The following TWIST2 variants were observed in gnomAD, a reference collection of about 807,000 sequenced individuals.
The protein encoded by TWIST2 is twist family bHLH transcription factor 2.
In TWIST2, 1 loss-of-function variant was observed where a neutral mutation model predicts 11.6. The ratio of observed to expected loss-of-function variants is 0.09; its 90% CI spans 0.03 to 0.41. The LOEUF (loss-of-function observed/expected upper bound fraction) is 0.41. TWIST2 is among the 10% of genes least tolerant of loss of function. TWIST2 has a pLI of 0.98. For missense variants in TWIST2, 168 were observed against 226.4 expected (o/e 0.74, Z 1.66); for synonymous variants, 87 against 96.6 (o/e 0.90, Z 0.58).
chr2:238,905,978 CGCGTGTACGTGCGCGTGTGTGCGTGT>C (rs1261902531), intron 1 of TWIST2, among the ~76,000 whole-genome samples: 1 of 130,798 alleles, frequency 7.6e-6, no homozygotes, highest in African/African-American at 3.0e-5. Context: ...TGTGTGCGCG[CGCGTGTACGTGCGCGTGTGTGCGTGT>C]GCGTGTGTGG....
intron 1 of TWIST2, among the ~76,000 whole-genome samples, chr2:238,903,332 GGT>G (rs1462188739): frequency 2.7e-5 from 4 of 146,020 alleles, no homozygotes; most frequent in Admixed American, 6.8e-5. Context: ...TGTGATGTGA[GGT>G]ATGTTTGAGG....
In TWIST2 at chr2:238,863,822, C is replaced by A. The variant is rs1692476787; in HGVS notation, c.*35+15089C>A. ...TTTTTACCAGGATCAAAAATGAAAA[C>A]CACGTGTCCCCCTGGCCTTGTATGA... On this transcript the variant is annotated intron_variant, in intron 1 of 1. Coordinates refer to ENST00000612363, the MANE Select transcript of TWIST2 (RefSeq NM_001271893.4). This position sits in a 1 kb window ranked among gnomAD's most constrained non-coding sequence, Gnocchi z 4.7. Among the ~76,000 whole-genome samples, 1 of 151,932 alleles carries A rather than the reference C, an allele frequency of 6.6e-6. No homozygotes were observed. Among genetic ancestry groups the A allele is most frequent in the Non-Finnish European group, 1.5e-5 (1 of 67,984 alleles).
At chr2:238,896,205 C>T (rs1020297554) in intron 1 of TWIST2, among the ~76,000 whole-genome samples, 5 of 152,200 alleles carry the variant, frequency 3.3e-5, no homozygotes, top group African/African-American at 1.2e-4. Context: ...TGCACCCTGC[C>T]TACTGACCCT....
intron 1 of TWIST2, among the ~76,000 whole-genome samples, chr2:238,874,363 C>A (rs1692766521): frequency 6.6e-6 from 1 of 152,186 alleles, no homozygotes; most frequent in Admixed American, 6.5e-5. Context: ...CAGTATTTCT[C>A]TTTAGTTCCA....
chr2:238,894,673 C>A (rs1693186818), intron 1 of TWIST2, among the ~76,000 whole-genome samples: 1 of 151,952 alleles, frequency 6.6e-6, no homozygotes, highest in African/African-American at 2.4e-5. Flanking sequence ...GTCTTTACCC[C>A]CAGATCCCTC....
intron 1 of TWIST2, among the ~76,000 whole-genome samples, chr2:238,882,975 C>T (rs528576215): frequency 4.6e-5 from 7 of 152,182 alleles, no homozygotes; most frequent in African/African-American, 9.6e-5. Context: ...CTGAGCCCTT[C>T]CTGATTTGAG....
At chr2:238,892,332 C>T (rs185482300) in intron 1 of TWIST2, among the ~76,000 whole-genome samples, 3 of 152,336 alleles carry the variant, frequency 2.0e-5, no homozygotes, top group Non-Finnish European at 2.9e-5. Context: ...CGCTGCACCA[C>T]GTGTTACCCG....
intron 1 of TWIST2, chr2:238,887,156 C>G (rs905986667): frequency 6.6e-6 from 1 of 152,054 alleles, no homozygotes; most frequent in African/African-American, 2.4e-5. Context: ...GTGTCCCACC[C>G]CTTAGAGGAG....
intron 1 of TWIST2, among the ~76,000 whole-genome samples, chr2:238,888,510 C>T (rs777902347): frequency 2.5e-4 from 38 of 152,124 alleles, no homozygotes; most frequent in Non-Finnish European, 5.1e-4. Flanking sequence ...TTATAAACAT[C>T]GACTTTGACA....
At chr2:238,909,564 G>T (rs1159829042) in intron 1 of TWIST2, among the ~76,000 whole-genome samples, 1 of 152,162 alleles carries the variant, frequency 6.6e-6, no homozygotes, top group East Asian at 1.9e-4. Context: ...CCCCGGGGTG[G>T]TGAGTGTGAG....
intron 1 of TWIST2, among the ~76,000 whole-genome samples, chr2:238,850,883 A>G (rs2106347210): frequency 6.6e-6 from 1 of 152,340 alleles, no homozygotes; most frequent in African/African-American, 2.4e-5. Flanking sequence ...GAAAAGAAAT[A>G]TGGAAAAATT....
chr2:238,869,908 T>C (rs1692615311), intron 1 of TWIST2, among the ~76,000 whole-genome samples: 1 of 151,978 alleles, frequency 6.6e-6, no homozygotes, highest in African/African-American at 2.4e-5. Flanking sequence ...TGCACACCAC[T>C]GCACTCCAGC....
At chr2:238,881,194 T>C (rs910582109) in intron 1 of TWIST2, among the ~76,000 whole-genome samples, 2 of 125,302 alleles carry the variant, frequency 1.6e-5, no homozygotes, top group Non-Finnish European at 3.2e-5. Context: ...TATTTATTAG[T>C]ATTAGTGTTA....
rs1331925616 is a variant in TWIST2, at chr2:238,867,010, G to A, written c.*35+18277G>A. Among the ~76,000 whole-genome samples, 2 of 152,130 alleles carry A rather than the reference G, an allele frequency of 1.3e-5. No individual in the cohort carries two copies. Among genetic ancestry groups the A allele is most frequent in the African/African-American group, 2.4e-5 (1 of 41,414 alleles). On this transcript the variant is annotated intron_variant, in intron 1 of 1. Transcript: ENST00000612363. The surrounding 1 kb of genome is among the most constrained non-coding windows in gnomAD (Gnocchi z 4.8). ...AAACTACACTGTGTCTGATGCAAAC[G>A]CATGTTTTCTGTGCATCTGTGATTT...
At chr2:238,890,164 C>T (rs1191091719) in intron 1 of TWIST2, among the ~76,000 whole-genome samples, 2 of 124,408 alleles carry the variant, frequency 1.6e-5, no homozygotes, top group Non-Finnish European at 3.3e-5. Flanking sequence ...GGCCTCTGCA[C>T]GTGGTCAGGG....
chr2:238,848,444 C>A lies in TWIST2; in HGVS notation c.229C>A (p.Gln77Lys). 1 of 1,551,266 alleles carries A rather than the reference C, an allele frequency of 6.4e-7. No individual in the cohort carries two copies. ...QRILANVRER[Q>K]RTQSLNEAFA... is the part of the protein sequence containing the mutation. Reference sequence around the variant, plus strand: ...CATCCTGGCCAACGTGCGCGAGCGCCAGCGCACCCAGTCGCTCAACGAGGC... The same window carrying A: ...CATCCTGGCCAACGTGCGCGAGCGCAAGCGCACCCAGTCGCTCAACGAGGC... Residue 77 changes from glutamine (Q) to lysine (K), a missense_variant, in exon 1 of 2, where the codon CAG (glutamine) becomes AAG (lysine). Physicochemically the swap from Gln to Lys is moderately conservative, Grantham distance 53 (BLOSUM62 1). Coordinates refer to ENST00000612363, the MANE Select transcript of TWIST2 (RefSeq NM_001271893.4).
intron 1 of TWIST2, among the ~76,000 whole-genome samples, chr2:238,892,790 GT>G (rs1343588798): frequency 6.6e-6 from 1 of 152,118 alleles, no homozygotes; most frequent in African/African-American, 2.4e-5. Context: ...CTTCTAATAT[GT>G]TTTTTTCCAA....
intron 1 of TWIST2, among the ~76,000 whole-genome samples, chr2:238,904,285 G>C (rs1693315190): frequency 6.8e-6 from 1 of 146,008 alleles, no homozygotes; most frequent in Admixed American, 6.8e-5. Flanking sequence ...TTGATGTAGT[G>C]TGTGTGTGAT....
intron 1 of TWIST2, among the ~76,000 whole-genome samples, chr2:238,860,280 C>G (rs977150238): frequency 6.6e-6 from 1 of 152,336 alleles, no homozygotes; most frequent in South Asian, 2.1e-4. Context: ...CTAACTCGTT[C>G]AGCACCAGTT....
Sources: allele counts gnomAD v4.1 joint callset (sites outside exome capture counted in the v4.1 genomes callset), GRCh38; gene constraint gnomAD v4.1.1; non-coding constraint Gnocchi (gnomAD v3.1); transcripts MANE v1.5; gene names NCBI Gene and HGNC (gene_info 2026-07-23, HGNC 2026-07-21).